The following CELF4 variants were observed in gnomAD, a reference collection of about 807,000 sequenced individuals.
CELF4 encodes CUG-BP- and ETR-3-like factor 4.
Under a neutral mutation model 59.9 loss-of-function variants are expected in CELF4, and 18 were observed. That is an observed-to-expected ratio of 0.30 (90% CI 0.21 to 0.45). The LOEUF is 0.45. CELF4 is among the 20% of genes least tolerant of loss of function. The pLI, the probability that CELF4 is intolerant of heterozygous loss-of-function variation, is 1.00. For synonymous variants in CELF4, 261 were observed against 267.1 expected (o/e 0.98, Z 0.22); for missense variants, 456 against 689.0 (o/e 0.66, Z 3.79).
chr18:37,311,788 C>CAAAAAAA (rs36044643), intron 3 of CELF4, among the ~76,000 whole-genome samples: 1 of 100,252 alleles, frequency 1.0e-5, no homozygotes, highest in Non-Finnish European at 1.9e-5. Context: ...GACTCCGTCT[C>CAAAAAAA]AAAAAAAAAA....
intron 2 of CELF4, among the ~76,000 whole-genome samples, chr18:37,414,880 C>T (rs534134607): frequency 6.6e-6 from 1 of 152,234 alleles, no homozygotes; most frequent in East Asian, 1.9e-4. Flanking sequence ...CATCCACCAC[C>T]GATCCACCCA....
chr18:37,438,387 G>A (rs1328715936), intron 2 of CELF4, among the ~76,000 whole-genome samples: 2 of 152,186 alleles, frequency 1.3e-5, no homozygotes, highest in African/African-American at 4.8e-5. Context: ...GTAGAAGACT[G>A]GGATGTGATC....
At chr18:37,278,388 C>T (rs1477126565) in intron 3 of CELF4, among the ~76,000 whole-genome samples, 6 of 152,170 alleles carry the variant, frequency 3.9e-5, no homozygotes, top group African/African-American at 9.7e-5. Context: ...CAGTTTGCAC[C>T]GTCCTCCAGT....
intron 3 of CELF4, among the ~76,000 whole-genome samples, chr18:37,292,518 C>T (rs1437226500): frequency 6.6e-6 from 1 of 152,180 alleles, no homozygotes; most frequent in Non-Finnish European, 1.5e-5. Flanking sequence ...GAACTTCCTC[C>T]TGCCTGGCTT....
intron 1 of CELF4, among the ~76,000 whole-genome samples, chr18:37,561,987 G>T (rs1019359315): frequency 1.8e-4 from 27 of 152,162 alleles, no homozygotes; most frequent in Admixed American, 1.8e-3. Flanking sequence ...TTGTTTCTTT[G>T]AATTTTAATT....
chr18:37,514,099 G>C (rs748171603), intron 1 of CELF4, among the ~76,000 whole-genome samples: 1 of 152,076 alleles, frequency 6.6e-6, no homozygotes, highest in Non-Finnish European at 1.5e-5. Context: ...GATCTCTCTG[G>C]TCTACTGGTC....
At chr18:37,409,093 C>T (rs2099412939) in intron 2 of CELF4, among the ~76,000 whole-genome samples, 2 of 152,354 alleles carry the variant, frequency 1.3e-5, no homozygotes, top group South Asian at 2.1e-4. Flanking sequence ...AAAGGGTGGC[C>T]ATGCGGAAGA....
chr18:37,287,446 T>A (rs2094905026), intron 3 of CELF4, among the ~76,000 whole-genome samples: 1 of 152,212 alleles, frequency 6.6e-6, no homozygotes. Flanking sequence ...CCTGTAAAGC[T>A]GTTGAACTAA....
At chr18:37,450,099 G>GGGGAAGGGAGCA (rs1373240658) in intron 2 of CELF4, among the ~76,000 whole-genome samples, 2 of 152,192 alleles carry the variant, frequency 1.3e-5, no homozygotes, top group African/African-American at 4.8e-5. Flanking sequence ...GGCGTGGGGA[G>GGGGAAGGGAGCA]GGGAAGGGAG....
intron 2 of CELF4, among the ~76,000 whole-genome samples, chr18:37,322,414 ATGG>A (rs2097155252): frequency 6.6e-6 from 1 of 152,218 alleles, no homozygotes; most frequent in African/African-American, 2.4e-5. Context: ...GTCCAGCTCC[ATGG>A]TTAAAGCAGA....
chr18:37,384,517 C>A (rs1286483913), intron 2 of CELF4, among the ~76,000 whole-genome samples: 2 of 151,956 alleles, frequency 1.3e-5, no homozygotes, highest in Non-Finnish European at 2.9e-5. Flanking sequence ...AACTGGAAAG[C>A]ACCGAGACTC....
chr18:37,289,625 G>C (rs1191948573), intron 3 of CELF4, among the ~76,000 whole-genome samples: 2 of 152,000 alleles, frequency 1.3e-5, no homozygotes, highest in Non-Finnish European at 2.9e-5. Context: ...CCTGACAGTG[G>C]GCTCTGTGCC....
At chr18:37,369,425 T>A (rs533748648) in intron 2 of CELF4, among the ~76,000 whole-genome samples, 1 of 152,288 alleles carries the variant, frequency 6.6e-6, no homozygotes, top group East Asian at 1.9e-4. Flanking sequence ...GGGGACCAAA[T>A]GTCACCTTTG....
chr18:37,398,020 C>T (rs1322535302), intron 2 of CELF4, among the ~76,000 whole-genome samples: 4 of 152,156 alleles, frequency 2.6e-5, no homozygotes, highest in Non-Finnish European at 4.4e-5. Context: ...CACTCAGGCC[C>T]GGGTCAGTGG....
At chr18:37,352,959 C>T (rs1269788) in intron 2 of CELF4, among the ~76,000 whole-genome samples, 98,662 of 151,938 alleles carry the variant, frequency 0.65, 32,345 homozygotes, top group Middle Eastern at 0.8. Context: ...CGGTAGCTCA[C>T]GCCTGTAATC....
At chr18:37,485,147 C>A (rs2099878054) in intron 2 of CELF4, among the ~76,000 whole-genome samples, 2 of 152,118 alleles carry the variant, frequency 1.3e-5, no homozygotes, top group Non-Finnish European at 2.9e-5. Context: ...ACTTGCGGCG[C>A]CCCCTCCCAC....
intron 1 of CELF4, among the ~76,000 whole-genome samples, chr18:37,554,458 C>T (rs929520262): frequency 6.6e-6 from 1 of 152,138 alleles, no homozygotes; most frequent in African/African-American, 2.4e-5. Flanking sequence ...AGCACTCTAC[C>T]TCAAGCAGCC....
Position 37,485,617 on chromosome 18 carries a change from A to C in CELF4, c.287-10T>G, listed in dbSNP as rs2099879548. 7.0e-7 allele frequency: 1 copy of C among 1,434,776 alleles called. No homozygotes were observed. Among genetic ancestry groups the C allele is most frequent in the Non-Finnish European group, 9.3e-7 (1 of 1,080,436 alleles). 88.9% of individuals were successfully genotyped at this position (1,434,776 alleles called of 1,614,324 possible). A position where few individuals can be genotyped will look rare whatever the true frequency, so the allele number is the denominator to read the frequency against. On this transcript the variant is annotated splice_polypyrimidine_tract_variant and intron_variant, in intron 1 of 12. Coordinates refer to ENST00000420428, the MANE Select transcript of CELF4 (RefSeq NM_020180.4). Reference sequence around the variant, plus strand: ...GTGAGGAAGGCGCAGCCTGGGGAGGAAAGCAAGCGCCAAGAAGGGTCAGTG... The same window carrying C: ...GTGAGGAAGGCGCAGCCTGGGGAGGCAAGCAAGCGCCAAGAAGGGTCAGTG...
At chr18:37,550,726 G>A (rs1319054640) in intron 1 of CELF4, among the ~76,000 whole-genome samples, 1 of 152,210 alleles carries the variant, frequency 6.6e-6, no homozygotes, top group Non-Finnish European at 1.5e-5. Flanking sequence ...AGAGCTGGAG[G>A]CCGGGCAGAC....
Sources: allele counts gnomAD v4.1 joint callset (sites outside exome capture counted in the v4.1 genomes callset), GRCh38; gene constraint gnomAD v4.1.1; transcripts MANE v1.5; gene names NCBI Gene and HGNC (gene_info 2026-07-23, HGNC 2026-07-21).